Variants in MAML3 observed in about 807,000 individuals in gnomAD.
The protein encoded by MAML3 is mastermind-like protein 3.
In MAML3, 27 loss-of-function variants were observed where a neutral mutation model predicts 101.9. The observed-to-expected ratio is 0.27, with a 90% CI of 0.20 to 0.37. The LOEUF is 0.37. MAML3 is among the 10% of genes least tolerant of loss of function. The probability of loss-of-function intolerance (pLI) is 1.00; values close to 1 mark genes in which losing one functional copy is unlikely to be tolerated. For missense variants in MAML3, 1,316 were observed against 1,444.9 expected (o/e 0.91, Z 1.45); for synonymous variants, 501 against 555.9 (o/e 0.90, Z 1.39).
intron 2 of MAML3, among the ~76,000 whole-genome samples, chr4:139,851,938 G>A (rs558898848): frequency 6.6e-6 from 1 of 152,146 alleles, no homozygotes; most frequent in Non-Finnish European, 1.5e-5. Flanking sequence ...AAGTTTGTAC[G>A]TGGTCTCTCT....
rs888494869 is a variant in MAML3 at position 139,720,343 on chromosome 4, A to G, written c.2417-20T>C. 1.3e-6 allele frequency: 2 copies of G among 1,513,166 alleles called. No individual in the cohort carries two copies. Among genetic ancestry groups the G allele is most frequent in the African/African-American group, 2.8e-5 (2 of 71,706 alleles). 93.7% of individuals were successfully genotyped at this position (1,513,166 alleles called of 1,614,324 possible). On this transcript the variant is annotated intron_variant, in intron 4 of 4. Transcript: ENST00000509479. ...GAGAACCTGCAGTGAAAAAGAGGAC[A>G]CATACCACTCACTCTTCTCCATAAG... is the stretch of plus-strand genomic sequence containing the variant.
At chr4:139,793,456 A>G (rs1179726416) in intron 2 of MAML3, among the ~76,000 whole-genome samples, 1 of 152,174 alleles carries the variant, frequency 6.6e-6, no homozygotes, top group East Asian at 1.9e-4. Flanking sequence ...CCATTGGCCA[A>G]GTGGACACTC....
chr4:139,976,521 G>A (rs1189534136), intron 1 of MAML3, among the ~76,000 whole-genome samples: 1 of 152,108 alleles, frequency 6.6e-6, no homozygotes, highest in African/African-American at 2.4e-5. Context: ...TTAACATCCA[G>A]TCATCCAATA....
chr4:139,880,430 A>G (rs911673849), intron 2 of MAML3, among the ~76,000 whole-genome samples: 1 of 152,030 alleles, frequency 6.6e-6, no homozygotes. Context: ...GCCTGGATTC[A>G]GTCAGTGAGG....
chr4:139,933,161 G>A (rs1340266385), intron 1 of MAML3, among the ~76,000 whole-genome samples: 1 of 151,850 alleles, frequency 6.6e-6, no homozygotes, highest in Non-Finnish European at 1.5e-5. Context: ...AAGGAAGGAG[G>A]GAAAGAGTGG....
intron 1 of MAML3, among the ~76,000 whole-genome samples, chr4:140,000,831 C>T (rs1176991240): frequency 6.6e-6 from 1 of 152,064 alleles, no homozygotes; most frequent in Non-Finnish European, 1.5e-5. Flanking sequence ...AGTTCAAGAC[C>T]AGCCTGACCC....
Position 139,839,420 on chromosome 4 carries a change from G to A in MAML3, c.2079+49937C>T, listed in dbSNP as rs111439847. On this transcript the variant is annotated intron_variant, in intron 2 of 4. Coordinates refer to ENST00000509479, the MANE Select transcript of MAML3 (RefSeq NM_018717.5). ...CACACCTTCTCAAATACAAATCATC[G>A]TGAACTAGCTCATCTTCTGCTATAC... Among the ~76,000 whole-genome samples the A allele has an allele frequency of 7.1e-3, 1,082 of 151,496 alleles. 14 individuals are homozygous for A. The highest frequency in any genetic ancestry group is 0.024 in the African/African-American group (986 of 41,274).
rs1245926649 is a variant in MAML3, at chr4:139,735,873, G to A, written c.2080-5206C>T. Among the ~76,000 whole-genome samples the A allele has an allele frequency of 2.0e-5, 3 of 151,890 alleles. No homozygotes were observed. Among genetic ancestry groups the A allele is most frequent in the Non-Finnish European group, 2.9e-5 (2 of 67,942 alleles). ...GGGCAGGGGCGGTGCGGCGGCGCTC[G>A]GGAGACCCGCGAGGGGCCCTGGAGG... On this transcript the variant is annotated intron_variant, in intron 2 of 4. Coordinates refer to ENST00000509479, the MANE Select transcript of MAML3 (RefSeq NM_018717.5). This position sits in a 1 kb window ranked among gnomAD's most constrained non-coding sequence, Gnocchi z 5.8.
chr4:139,904,988 T>A (rs1001209942), intron 1 of MAML3, among the ~76,000 whole-genome samples: 1 of 152,252 alleles, frequency 6.6e-6, no homozygotes, highest in Non-Finnish European at 1.5e-5. Flanking sequence ...TGTCGTTGAC[T>A]GAAATGTCAT....
At chr4:139,928,876 T>C (rs1352722060) in intron 1 of MAML3, among the ~76,000 whole-genome samples, 1 of 152,108 alleles carries the variant, frequency 6.6e-6, no homozygotes, top group Non-Finnish European at 1.5e-5. Context: ...ACAGAGAAGA[T>C]CTTTGGAGGA....
At chr4:139,801,664 GTGTGTGTGTGTGTGTGTC>G (rs1730610446) in intron 2 of MAML3, among the ~76,000 whole-genome samples, 2 of 18,016 alleles carry the variant, frequency 1.1e-4, no homozygotes, top group Non-Finnish European at 1.5e-4. Context: ...GTGTGTGTGT[GTGTGTGTGTGTGTGTGTC>G]TGTGTGTGTG....
At chr4:139,910,199 C>T (rs1732892665) in intron 1 of MAML3, among the ~76,000 whole-genome samples, 1 of 152,224 alleles carries the variant, frequency 6.6e-6, no homozygotes, top group Non-Finnish European at 1.5e-5. Flanking sequence ...GCAGCCTCAA[C>T]ATCACCTGGG....
intron 1 of MAML3, among the ~76,000 whole-genome samples, chr4:139,967,614 G>A (rs1430351449): frequency 6.6e-6 from 1 of 151,716 alleles, no homozygotes. Context: ...TGCCAGGCCT[G>A]AAGAGTTCTT....
At chr4:139,819,467 G>T (rs1333001058) in intron 2 of MAML3, among the ~76,000 whole-genome samples, 1 of 152,032 alleles carries the variant, frequency 6.6e-6, no homozygotes, top group Admixed American at 6.5e-5. Context: ...AAGCTGCTTC[G>T]ATATCTTATT....
chr4:139,775,643 G>C (rs572393629), intron 2 of MAML3, among the ~76,000 whole-genome samples: 1 of 152,222 alleles, frequency 6.6e-6, no homozygotes, highest in East Asian at 1.9e-4. Flanking sequence ...GAGTGGTTCG[G>C]GGGGCAGAAT....
chr4:140,031,246 T>C (rs765218676), intron 1 of MAML3, among the ~76,000 whole-genome samples: 26 of 152,252 alleles, frequency 1.7e-4, no homozygotes, highest in Non-Finnish European at 3.1e-4. Flanking sequence ...GATTTAAATA[T>C]TTATTCTTCA....
chr4:139,917,771 C>T (rs564551734), intron 1 of MAML3, among the ~76,000 whole-genome samples: 3 of 152,322 alleles, frequency 2.0e-5, no homozygotes, highest in Admixed American at 2.0e-4. Flanking sequence ...GCATGTTCAT[C>T]TGTCAGGGAT....
chr4:140,045,768 G>A (rs1339971235), intron 1 of MAML3, among the ~76,000 whole-genome samples: 2 of 152,162 alleles, frequency 1.3e-5, no homozygotes, highest in African/African-American at 4.8e-5. Context: ...TTGGAAAGGG[G>A]TCTCGAGCCT....
chr4:139,941,054 C>T (rs1376393937), intron 1 of MAML3, among the ~76,000 whole-genome samples: 1 of 152,164 alleles, frequency 6.6e-6, no homozygotes, highest in East Asian at 1.9e-4. Flanking sequence ...TTCAAATGTT[C>T]TTCACCCTAC....
Sources: gnomAD v4.1 joint callset for allele counts (sites outside exome capture counted in the v4.1 genomes callset) on GRCh38, gnomAD v4.1.1 for gene constraint, Gnocchi (gnomAD v3.1) non-coding constraint, MANE v1.5 for transcripts, NCBI Gene and HGNC (gene_info 2026-07-23, HGNC 2026-07-21) for gene names.